The following LHPP variants were observed in gnomAD, a reference collection of about 807,000 sequenced individuals.
LHPP encodes the protein hLHPP.
In LHPP, 24 loss-of-function variants were observed where a neutral mutation model predicts 30.3. The observed-to-expected ratio is 0.79, with a 90% CI of 0.57 to 1.11. The LOEUF (loss-of-function observed/expected upper bound fraction) is 1.11. LHPP is among the 50% of genes most tolerant of loss of function. The pLI is 0.00. For synonymous variants in LHPP, 150 were observed against 157.1 expected (o/e 0.95, Z 0.34); for missense variants, 356 against 367.2 (o/e 0.97, Z 0.25).
chr10:124,598,060 G>A (rs751030746), intron 6 of LHPP, among the ~76,000 whole-genome samples: 1 of 152,172 alleles, frequency 6.6e-6, no homozygotes, highest in Non-Finnish European at 1.5e-5. Flanking sequence ...AGACGTCCAG[G>A]CCTCCCAGCC....
chr10:124,525,430 G>T (rs929218875), intron 6 of LHPP, among the ~76,000 whole-genome samples: 1 of 152,222 alleles, frequency 6.6e-6, no homozygotes, highest in Non-Finnish European at 1.5e-5. Flanking sequence ...ACCACGGGGG[G>T]ACCCTGTTGC....
intron 6 of LHPP, among the ~76,000 whole-genome samples, chr10:124,609,314 C>G (rs891583942): frequency 1.3e-5 from 2 of 152,228 alleles, no homozygotes; most frequent in African/African-American, 4.8e-5. Context: ...GTGATCACGG[C>G]TCACCACAGC....
intron 1 of LHPP, among the ~76,000 whole-genome samples, chr10:124,473,211 C>T (rs1383923727): frequency 2.6e-5 from 4 of 152,120 alleles, no homozygotes; most frequent in African/African-American, 7.2e-5. Context: ...GAGTCCTGCC[C>T]CTACCCCCAG....
intron 6 of LHPP, 25 bp from the exon 7 acceptor site, chr10:124,613,239 A>G: frequency 1.3e-6 from 2 of 1,583,912 alleles, no homozygotes; most frequent in Non-Finnish European, 1.7e-6. Flanking sequence ...GGGGGCACTG[A>G]CTAACCTCCG....
chr10:124,580,248 C>T lies in LHPP; in HGVS notation c.717-33016C>T, dbSNP rs576786377. On this transcript the variant is annotated intron_variant, in intron 6 of 6. Transcript: ENST00000368842. ...TTGTTTATGGCCTCTTATTGGGACA[C>T]AGTTTTAAATTAAAATATAATCAGA... 3.3e-5 allele frequency among the ~76,000 whole-genome samples: 5 copies of T among 152,328 alleles called. 1 individual carries two copies. The highest frequency in any genetic ancestry group is 1.2e-4 in the African/African-American group (5 of 41,560).
At chr10:124,525,689 T>C (rs1954715165) in intron 6 of LHPP, among the ~76,000 whole-genome samples, 1 of 152,124 alleles carries the variant, frequency 6.6e-6, no homozygotes, top group African/African-American at 2.4e-5. Context: ...ATGGCTTTGG[T>C]TGGGGCAGCA....
At chr10:124,561,819 G>C (rs1485883974) in intron 6 of LHPP, among the ~76,000 whole-genome samples, 3 of 151,992 alleles carry the variant, frequency 2.0e-5, no homozygotes, top group Non-Finnish European at 4.4e-5. Context: ...TCCAGCTTGT[G>C]GTACAAAACC....
chr10:124,512,256 G>T (rs1954319014), intron 5 of LHPP, among the ~76,000 whole-genome samples: 1 of 152,192 alleles, frequency 6.6e-6, no homozygotes, highest in Non-Finnish European at 1.5e-5. Flanking sequence ...CAGGTCGGGG[G>T]CCTCTCTGAT....
Position 124,535,865 on chromosome 10 carries a change from C to T in LHPP, c.716+18594C>T, listed in dbSNP as rs371338947. ...AGCAGCTGCTTCAGGCTCCTCAGGCCGTGGGCCCCTGAGCACCAGTTCTGC... is the reference window on the plus strand; with the variant it reads ...AGCAGCTGCTTCAGGCTCCTCAGGCTGTGGGCCCCTGAGCACCAGTTCTGC... On this transcript the variant is annotated intron_variant, in intron 6 of 6. Transcript: ENST00000368842. Among the ~76,000 whole-genome samples the T allele has an allele frequency of 2.0e-5, 3 of 152,260 alleles. No individual in the cohort carries two copies. The East Asian group carries it at 5.8e-4, about 29-fold the overall frequency.
chr10:124,476,468 G>A (rs980659495), intron 1 of LHPP, among the ~76,000 whole-genome samples: 3 of 152,162 alleles, frequency 2.0e-5, no homozygotes, highest in African/African-American at 7.2e-5. Context: ...GGAAGGCTGG[G>A]CACCACCATC....
At chr10:124,462,108 C>T (rs985702870) in intron 1 of LHPP, 121 bp downstream of exon 1, 3 of 944,842 alleles carry the variant, frequency 3.2e-6, no homozygotes, top group East Asian at 4.4e-5. Context: ...GCCTCGGTCT[C>T]CCCCTTCCCA....
intron 5 of LHPP, chr10:124,498,478 T>C: frequency 6.8e-7 from 1 of 1,463,620 alleles, no homozygotes; most frequent in Non-Finnish European, 9.0e-7. Flanking sequence ...TACAACAATA[T>C]GGAGGAAATA....
intron 2 of LHPP, among the ~76,000 whole-genome samples, chr10:124,485,667 C>T (rs1469102004): frequency 6.6e-6 from 1 of 151,760 alleles, no homozygotes; most frequent in Non-Finnish European, 1.5e-5. Context: ...GTGGTGTGAT[C>T]TTGGCTTCCT....
intron 3 of LHPP, chr10:124,490,384 A>G: frequency 3.0e-6 from 1 of 331,188 alleles, no homozygotes; most frequent in Non-Finnish European, 6.4e-6. Flanking sequence ...TACCAGTAGA[A>G]ATGTCTCCAG....
rs1445908150 is a variant in LHPP at position 124,576,085 on chromosome 10, C to G, written c.717-37179C>G. Among the ~76,000 whole-genome samples the G allele has an allele frequency of 6.6e-6, 1 of 152,152 alleles. No individual in the cohort carries two copies. Among genetic ancestry groups the G allele is most frequent in the African/African-American group, 2.4e-5 (1 of 41,392 alleles). On this transcript the variant is annotated intron_variant, in intron 6 of 6. Transcript: ENST00000368842. The surrounding 1 kb of genome is among the most constrained non-coding windows in gnomAD (Gnocchi z 4.2). ...CTGGATTGGTCGTTTCTGCATTGTC[C>G]GGAGCTCTCAGACCTGGTTTCTTAA...
chr10:124,565,810 G>A (rs1200011278), intron 6 of LHPP, among the ~76,000 whole-genome samples: 2 of 152,252 alleles, frequency 1.3e-5, no homozygotes, highest in African/African-American at 4.8e-5. Flanking sequence ...GAAGGCTGGC[G>A]AGGGCCCTGT....
At chr10:124,503,796 A>G (rs922716714) in intron 5 of LHPP, among the ~76,000 whole-genome samples, 1 of 149,778 alleles carries the variant, frequency 6.7e-6, no homozygotes, top group Non-Finnish European at 1.5e-5. Flanking sequence ...ATATATTTGT[A>G]TTCCCCTCAT....
chr10:124,574,017 ACCCATGGAGGCTGC>A (rs1948623188), intron 6 of LHPP, among the ~76,000 whole-genome samples: 1 of 152,080 alleles, frequency 6.6e-6, no homozygotes, highest in African/African-American at 2.4e-5. Context: ...CACAGGTGTC[ACCCATGGAGGCTGC>A]AGGAGCACCT....
intron 3 of LHPP, chr10:124,490,019 A>T (rs1953471589): frequency 6.0e-6 from 1 of 165,750 alleles, no homozygotes; most frequent in East Asian, 1.9e-4. Flanking sequence ...ATCTGTGGGT[A>T]TCTCTCTCTG....
Sources: gnomAD v4.1 joint callset for allele counts (sites outside exome capture counted in the v4.1 genomes callset) on GRCh38, gnomAD v4.1.1 for gene constraint, Gnocchi (gnomAD v3.1) non-coding constraint, MANE v1.5 for transcripts, NCBI Gene and HGNC (gene_info 2026-07-23, HGNC 2026-07-21) for gene names.